The following MYO18B variants were observed in gnomAD, a reference collection of about 807,000 sequenced individuals.
MYO18B encodes the protein myosin XVIIIB.
In MYO18B, 204 loss-of-function variants were observed where a neutral mutation model predicts 273.0. The ratio of observed to expected loss-of-function variants is 0.75; its 90% CI spans 0.67 to 0.84. The LOEUF is 0.84. Among genes scored for constraint, MYO18B ranks in the 40% least tolerant of loss-of-function variants. MYO18B has a pLI of 0.00. For missense variants in MYO18B, 3,212 were observed against 3,287.6 expected, an observed-to-expected ratio of 0.98 and a Z score of 0.56; for synonymous variants, 1,330 against 1,305.7, an observed-to-expected ratio of 1.02 and a Z score of -0.40.
chr22:26,022,270 GAA>G (rs11448415), intron 42 of MYO18B, among the ~76,000 whole-genome samples: 2 of 138,248 alleles, frequency 1.4e-5, no homozygotes, highest in Non-Finnish European at 3.1e-5. Context: ...AGGACAGCTA[GAA>G]AAAAAAAAAA....
At chr22:25,847,838 C>T (rs2090301735) in intron 20 of MYO18B, among the ~76,000 whole-genome samples, 186 bp downstream of exon 20, 1 of 152,136 alleles carries the variant, frequency 6.6e-6, no homozygotes, top group Non-Finnish European at 1.5e-5. Flanking sequence ...AGTACTTGCT[C>T]ATGGTCACAT....
chr22:25,800,326 G>A (rs996191426), intron 12 of MYO18B, among the ~76,000 whole-genome samples: 4 of 151,950 alleles, frequency 2.6e-5, no homozygotes, highest in African/African-American at 9.7e-5. Context: ...AAAATGATTG[G>A]AAAAAAAATC....
chr22:25,768,618 C>T lies in MYO18B; in HGVS notation c.702C>T (p.Gly234=), dbSNP rs374297962. 1.9e-5 allele frequency: 29 copies of T among 1,525,288 alleles called. No individual in the cohort carries two copies. The highest frequency in any genetic ancestry group is 1.3e-4 in the African/African-American group (9 of 71,854). 94.5% of individuals were successfully genotyped at this position (1,525,288 alleles called of 1,614,324 possible). Residue 234 remains glycine, a synonymous_variant, in exon 4 of 44, where the codon GGC becomes GGT. Coordinates refer to ENST00000335473, the MANE Select transcript of MYO18B (RefSeq NM_032608.7). ...PGQGTVALKK[G]EEGQSIVGKG... ...AAGGAACTGTGGCACTGAAAAAAGGCGAGGAGGGTCAAAGCATAGTGGGGA... is the reference window on the plus strand; with the variant it reads ...AAGGAACTGTGGCACTGAAAAAAGGTGAGGAGGGTCAAAGCATAGTGGGGA...
chr22:25,895,346 TG>T, intron 28 of MYO18B, 66 bp downstream of exon 28: 1 of 1,530,658 alleles, frequency 6.5e-7, no homozygotes, highest in East Asian at 2.5e-5. Flanking sequence ...ACCTCCACTG[TG>T]GGTGATCGAG....
At chr22:25,987,216 AAAAC>A (rs1312585770) in intron 39 of MYO18B, among the ~76,000 whole-genome samples, 1 of 152,232 alleles carries the variant, frequency 6.6e-6, no homozygotes, top group Non-Finnish European at 1.5e-5. Context: ...CTGGGCAGAG[AAAAC>A]AAACAACAAA....
chr22:25,933,122 G>T (rs764564287), intron 34 of MYO18B, among the ~76,000 whole-genome samples: 3 of 152,082 alleles, frequency 2.0e-5, no homozygotes, highest in Non-Finnish European at 4.4e-5. Context: ...GTTCAGGCCA[G>T]TTGCATTGTA....
chr22:26,031,229 G>T (rs1277576399), downstream of MYO18B, among the ~76,000 whole-genome samples: 1 of 152,008 alleles, frequency 6.6e-6, no homozygotes, highest in Admixed American at 6.6e-5. Flanking sequence ...CCCCAAATTT[G>T]TCTCCATCCC....
At chr22:25,819,762 A>G (rs1218940032) in intron 12 of MYO18B, among the ~76,000 whole-genome samples, 2 of 152,086 alleles carry the variant, frequency 1.3e-5, no homozygotes, top group Non-Finnish European at 2.9e-5. Context: ...ATGATATTTG[A>G]AGGACTGATT....
At chr22:25,807,964 G>A (rs1181187315) in intron 12 of MYO18B, among the ~76,000 whole-genome samples, 1 of 152,052 alleles carries the variant, frequency 6.6e-6, no homozygotes, top group Non-Finnish European at 1.5e-5. Context: ...ACAGTGCCAG[G>A]CATGTAAGTA....
chr22:25,864,584 A>G (rs1268296174), intron 21 of MYO18B, among the ~76,000 whole-genome samples: 3 of 152,170 alleles, frequency 2.0e-5, no homozygotes, highest in Non-Finnish European at 4.4e-5. Flanking sequence ...GGGTGGAGAA[A>G]AGATCAGGAG....
intron 1 of MYO18B, among the ~76,000 whole-genome samples, chr22:25,744,225 A>G (rs2085710417): frequency 6.6e-6 from 1 of 152,190 alleles, no homozygotes; most frequent in Non-Finnish European, 1.5e-5. Flanking sequence ...GGGTAAGATC[A>G]AGACTTTCTA....
At chr22:25,802,810 C>G (rs1280776386) in intron 12 of MYO18B, among the ~76,000 whole-genome samples, 1 of 150,984 alleles carries the variant, frequency 6.6e-6, no homozygotes, top group Non-Finnish European at 1.5e-5. Flanking sequence ...CCTCTAAACA[C>G]CCATCCCTAA....
At chr22:26,053,383 A>G in the MYO18B span, among the ~76,000 whole-genome samples, 1 of 151,972 alleles carries the variant, frequency 6.6e-6, no homozygotes, top group East Asian at 1.9e-4. Context: ...TTACAGAGGA[A>G]AAAACAGAGG....
At chr22:25,846,023 C>T (rs1466609621) in intron 18 of MYO18B, 77 bp from the exon 19 acceptor site, 1 of 1,303,066 alleles carries the variant, frequency 7.7e-7, no homozygotes, top group African/African-American at 1.5e-5. Context: ...AAGGCTTGTT[C>T]CCTTTGCCAC....
At chr22:25,943,733 T>C (rs1331099842) in intron 34 of MYO18B, among the ~76,000 whole-genome samples, 20 of 82,486 alleles carry the variant, frequency 2.4e-4, no homozygotes, top group African/African-American at 7.7e-4. Flanking sequence ...TTTTTTTTTT[T>C]TCTGAGACGG....
intron 31 of MYO18B, among the ~76,000 whole-genome samples, chr22:25,907,821 G>A (rs2092075754): frequency 6.6e-6 from 1 of 152,094 alleles, no homozygotes; most frequent in Non-Finnish European, 1.5e-5. Context: ...GATCACCTGA[G>A]GTCAGGAGTT....
intron 1 of MYO18B, among the ~76,000 whole-genome samples, chr22:25,756,842 C>G (rs1054294801): frequency 6.6e-6 from 1 of 151,854 alleles, no homozygotes; most frequent in African/African-American, 2.4e-5. Flanking sequence ...AGGTGGATCA[C>G]TTTAGGCCAG....
chr22:25,923,924 G>A (rs1441028248), intron 34 of MYO18B, among the ~76,000 whole-genome samples: 1 of 152,030 alleles, frequency 6.6e-6, no homozygotes, highest in Non-Finnish European at 1.5e-5. Flanking sequence ...GGGTTAAAAT[G>A]CATGTTCTTG....
At chr22:25,963,650 A>G (rs1241214236) in intron 39 of MYO18B, among the ~76,000 whole-genome samples, 2 of 150,980 alleles carry the variant, frequency 1.3e-5, no homozygotes, top group African/African-American at 2.4e-5. Flanking sequence ...GACGCTATTT[A>G]ACCCACTATA....
Sources: allele counts gnomAD v4.1 joint callset (sites outside exome capture counted in the v4.1 genomes callset), GRCh38; gene constraint gnomAD v4.1.1; transcripts MANE v1.5; gene names NCBI Gene and HGNC (gene_info 2026-07-23, HGNC 2026-07-21).